Variants in CCDC192 observed in about 807,000 individuals in gnomAD.
CCDC192 encodes coiled-coil domain containing 192.
At chr5:127,867,849 A>G (rs1338678972) in intron 5 of CCDC192, among the ~76,000 whole-genome samples, 3 of 152,156 alleles carry the variant, frequency 2.0e-5, no homozygotes, top group East Asian at 3.8e-4. Context: ...TATCAACTTC[A>G]TTGATGTTTA....
intron 5 of CCDC192, among the ~76,000 whole-genome samples, chr5:127,841,715 G>T (rs1192213216): frequency 6.6e-6 from 1 of 152,136 alleles, no homozygotes; most frequent in African/African-American, 2.4e-5. Context: ...AACAAACGGA[G>T]TTGTCCAACG....
At chr5:127,868,086 G>C (rs954167861) in intron 5 of CCDC192, among the ~76,000 whole-genome samples, 7 of 146,484 alleles carry the variant, frequency 4.8e-5, no homozygotes, top group Non-Finnish European at 8.9e-5. Context: ...GTTTCTCCCT[G>C]TCTATGTATA....
chr5:127,729,447 A>G (rs1046976608), intron 2 of CCDC192, among the ~76,000 whole-genome samples: 1 of 152,214 alleles, frequency 6.6e-6, no homozygotes, highest in Non-Finnish European at 1.5e-5. Flanking sequence ...AATATTAGAC[A>G]GATCACAGAT....
intron 6 of CCDC192, among the ~76,000 whole-genome samples, chr5:127,894,553 G>A (rs776688520): frequency 1.3e-5 from 2 of 152,044 alleles, no homozygotes; most frequent in Non-Finnish European, 2.9e-5. Flanking sequence ...TGTTAACTTT[G>A]AATGGACAAT....
intron 6 of CCDC192, among the ~76,000 whole-genome samples, chr5:127,907,845 A>T (rs1480460378): frequency 6.6e-6 from 1 of 152,258 alleles, no homozygotes; most frequent in Non-Finnish European, 1.5e-5. Flanking sequence ...TTGTAAAATT[A>T]GTTGAATCCA....
intron 3 of CCDC192, among the ~76,000 whole-genome samples, chr5:127,779,673 C>A (rs1756077199): frequency 6.6e-6 from 1 of 152,188 alleles, no homozygotes; most frequent in Non-Finnish European, 1.5e-5. Flanking sequence ...CAACCTGAGA[C>A]TGATGTTCAA....
intron 2 of CCDC192, among the ~76,000 whole-genome samples, chr5:127,726,834 A>T (rs1752351971): frequency 6.6e-6 from 1 of 152,156 alleles, no homozygotes; most frequent in African/African-American, 2.4e-5. Flanking sequence ...GCTCTGAGGA[A>T]TCCAGGCAGT....
intron 3 of CCDC192, among the ~76,000 whole-genome samples, chr5:127,768,044 G>A (rs563153062): frequency 6.6e-6 from 1 of 152,164 alleles, no homozygotes; most frequent in Non-Finnish European, 1.5e-5. Context: ...ACGAGGTCAG[G>A]AGTTTGAGAC....
rs1186991153 is a variant in CCDC192 at position 127,905,306 on chromosome 5, T to C, written c.535+29645T>C. On this transcript the variant is annotated intron_variant, in intron 6 of 6. Transcript: ENST00000514853. The stretch of plus-strand genomic sequence containing the variant: ...TTATTAATCTATGAAGTTGCGTCTT[T>C]AGGCTTCGGATTCCCTCTATGCATA... 2.6e-5 allele frequency among the ~76,000 whole-genome samples: 4 copies of C among 152,220 alleles called. 1 individual carries two copies. The highest frequency in any genetic ancestry group is 5.9e-5 in the Non-Finnish European group (4 of 68,036).
Position 127,911,176 on chromosome 5 carries a change from T to C in CCDC192, c.536-30006T>C, listed in dbSNP as rs1753334785. ...TGCATTGAGTCCCACAATATGTGTA[T>C]GTATGTCAACAAATATTTGTGGAAC... On this transcript the variant is annotated intron_variant, in intron 6 of 6. Transcript: ENST00000514853. 3.3e-5 allele frequency among the ~76,000 whole-genome samples: 5 copies of C among 152,354 alleles called. No homozygotes were observed. The South Asian group carries it at 8.3e-4, about 25-fold the overall frequency.
chr5:127,835,131 GTTCT>G (rs35086862), intron 5 of CCDC192, among the ~76,000 whole-genome samples: 48,375 of 151,728 alleles, frequency 0.32, 8,345 homozygotes, highest in Non-Finnish European at 0.4. Flanking sequence ...TTAAACTAAA[GTTCT>G]TTCTATGTGG....
At chr5:127,801,246 G>A (rs1365714368) in intron 5 of CCDC192, among the ~76,000 whole-genome samples, 2 of 152,180 alleles carry the variant, frequency 1.3e-5, no homozygotes, top group Non-Finnish European at 2.9e-5. Context: ...TGAGGATGCT[G>A]AAGATTAGGA....
intron 2 of CCDC192, among the ~76,000 whole-genome samples, chr5:127,741,048 T>C (rs937735094): frequency 6.6e-6 from 1 of 152,170 alleles, no homozygotes; most frequent in Admixed American, 6.5e-5. Flanking sequence ...AGATTTTTTT[T>C]TATTTAGTTG....
intron 6 of CCDC192, among the ~76,000 whole-genome samples, chr5:127,891,324 G>T (rs1391796015): frequency 6.6e-6 from 1 of 152,222 alleles, no homozygotes; most frequent in African/African-American, 2.4e-5. Flanking sequence ...AAAGTGCTAG[G>T]ATTACAGGTG....
chr5:127,913,136 A>T (rs568833233), intron 6 of CCDC192, among the ~76,000 whole-genome samples: 123 of 152,280 alleles, frequency 8.1e-4, no homozygotes, highest in African/African-American at 2.9e-3. Flanking sequence ...CAGCTCCATA[A>T]TTTTTCAGCT....
intron 3 of CCDC192, among the ~76,000 whole-genome samples, chr5:127,762,374 GTTCCCTCCTTA>G (rs1754979028): frequency 6.6e-6 from 1 of 152,128 alleles, no homozygotes; most frequent in Admixed American, 6.6e-5. Context: ...CAGCAGACAA[GTTCCCTCCTTA>G]TTAAAAAACA....
intron 6 of CCDC192, among the ~76,000 whole-genome samples, chr5:127,923,039 A>C (rs566350895): frequency 1.3e-5 from 2 of 152,352 alleles, no homozygotes; most frequent in Non-Finnish European, 2.9e-5. Flanking sequence ...AAGGGAGAGC[A>C]AAGAGACCAA....
At position 127,779,960 on chromosome 5, in the gene CCDC192, A is replaced by G. The variant is rs148381794; in HGVS notation, c.223-17143A>G. ...TTTGCATCCTCATAGCTTAGCTCCCATGTATCAGTGAGAACATATGACATT... is the reference window on the plus strand; with the variant it reads ...TTTGCATCCTCATAGCTTAGCTCCCGTGTATCAGTGAGAACATATGACATT... On this transcript the variant is annotated intron_variant, in intron 3 of 6. Coordinates refer to ENST00000514853, the MANE Select transcript of CCDC192 (RefSeq NM_001317938.2). Among the ~76,000 whole-genome samples the G allele has an allele frequency of 3.0e-3, 457 of 151,938 alleles. 2 individuals carry two copies. Among genetic ancestry groups the G allele is most frequent in the African/African-American group, 0.01 (422 of 41,436 alleles).
At chr5:127,870,208 G>A (rs1751788455) in intron 5 of CCDC192, among the ~76,000 whole-genome samples, 2 of 152,152 alleles carry the variant, frequency 1.3e-5, no homozygotes, top group African/African-American at 4.8e-5. Flanking sequence ...ATACTAAAGG[G>A]AAAGAACAAT....
Sources: allele counts gnomAD v4.1 joint callset (sites outside exome capture counted in the v4.1 genomes callset), GRCh38; gene constraint gnomAD v4.1.1; transcripts MANE v1.5; gene names NCBI Gene and HGNC (gene_info 2026-07-23, HGNC 2026-07-21).